PIK3CG: variants seen among roughly 807,000 people sequenced by gnomAD.
PIK3CG encodes phosphatidylinositol-4,5-bisphosphate 3-kinase catalytic subunit gamma.
A neutral mutation model predicts 102.3 loss-of-function variants in PIK3CG; 55 were observed. The ratio of observed to expected loss-of-function variants is 0.54; its 90% CI spans 0.43 to 0.67. PIK3CG has a LOEUF of 0.67. PIK3CG is among the 30% of genes least tolerant of loss of function. PIK3CG has a pLI of 0.00. For synonymous variants in PIK3CG, 552 were observed against 540.0 expected (o/e 1.02, Z -0.31); for missense variants, 1,258 against 1,391.8 (o/e 0.90, Z 1.53).
chr7:106,874,122 G>A lies in PIK3CG; in HGVS notation c.2288-578G>A, dbSNP rs1318919899. On this transcript the variant is annotated intron_variant, in intron 4 of 10. Transcript: ENST00000496166. This position sits in a 1 kb window ranked among gnomAD's most constrained non-coding sequence, Gnocchi z 4.3. ...TGATGGTAATAATAATATTTTATTT[G>A]CATTTTAAGAAAGGAAAACATTTGT... Among the ~76,000 whole-genome samples, 1 of 151,894 alleles carries A rather than the reference G, an allele frequency of 6.6e-6. No individual in the cohort carries two copies. Among genetic ancestry groups the A allele is most frequent in the Non-Finnish European group, 1.5e-5 (1 of 67,972 alleles).
Position 106,908,079 on chromosome 7 carries a change from T to A in PIK3CG, c.*2692T>A, listed in dbSNP as rs1474599399. 2.0e-5 allele frequency among the ~76,000 whole-genome samples: 3 copies of A among 152,068 alleles called. No homozygotes were observed. The highest frequency in any genetic ancestry group is 2.0e-4 in the Admixed American group (3 of 15,250). ...CTTCAATGCCAGGTGAAAACACAGA[T>A]CACAAGTCAGATGAATCAGGCCAAA... On this transcript the variant is annotated 3_prime_UTR_variant, in exon 11 of 11. Transcript: ENST00000496166. This position sits in a 1 kb window ranked among gnomAD's most constrained non-coding sequence, Gnocchi z 4.1.
chr7:106,870,441 G>T (rs1790494265), intron 2 of PIK3CG, among the ~76,000 whole-genome samples: 2 of 152,178 alleles, frequency 1.3e-5, no homozygotes, highest in Admixed American at 6.5e-5. Context: ...GAATAGAAAT[G>T]CTATTTTAGA....
intron 7 of PIK3CG, 79 bp from the exon 8 acceptor site, chr7:106,882,954 C>T (rs2116542446): frequency 1.9e-6 from 2 of 1,030,408 alleles, no homozygotes; most frequent in South Asian, 1.5e-5. Flanking sequence ...GCCCTTCACT[C>T]AACAAAGACA....
Position 106,869,455 on chromosome 7 carries a change from G to A in PIK3CG, c.1894G>A (p.Asp632Asn), listed in dbSNP as rs769595228. Residue 632 changes from aspartate (D) to asparagine (N), a missense_variant, in exon 2 of 11, where the codon GAC becomes AAC. Coordinates refer to ENST00000496166, the MANE Select transcript of PIK3CG (RefSeq NM_001282426.2). This position sits in a 1 kb window ranked among gnomAD's most constrained non-coding sequence, Gnocchi z 5.3. ...TGTTGGGTTAACAATGCAGCTCCTG[G>A]ACTGCAACTTCTCAGATGAAAATGT... is the stretch of plus-strand genomic sequence containing the variant. ...LDVGLTMQLL[D>N]CNFSDENVRA... The A allele has an allele frequency of 6.2e-7, 1 of 1,614,124 alleles. No individual in the cohort carries two copies. Among genetic ancestry groups the A allele is most frequent in the South Asian group, 1.1e-5 (1 of 91,072 alleles).
At position 106,899,621 on chromosome 7, in the gene PIK3CG, C is replaced by T. The variant is rs969565038; in HGVS notation, c.3031-5488C>T. On this transcript the variant is annotated intron_variant, in intron 10 of 10. Coordinates refer to ENST00000496166, the MANE Select transcript of PIK3CG (RefSeq NM_001282426.2). This position sits in a 1 kb window ranked among gnomAD's most constrained non-coding sequence, Gnocchi z 4.6. ...GCTTTTCTGTGTCTATGGAGATAAT[C>T]ATGTGGTTTTTGTCTTTAGTTCTTT... Among the ~76,000 whole-genome samples the T allele has an allele frequency of 6.6e-6, 1 of 152,116 alleles. No individual in the cohort carries two copies. The highest frequency in any genetic ancestry group is 2.4e-5 in the African/African-American group (1 of 41,414).
chr7:106,872,646 C>A lies in PIK3CG; in HGVS notation c.2061+44C>A, dbSNP rs199681461. On this transcript the variant is annotated intron_variant, in intron 3 of 10. Coordinates refer to ENST00000496166, the MANE Select transcript of PIK3CG (RefSeq NM_001282426.2). This position sits in a 1 kb window ranked among gnomAD's most constrained non-coding sequence, Gnocchi z 5.3. ...ATAATAGCGTGAAATTTTAAGTTGC[C>A]AAGAATTAACTGGTAGACCTAAAGC... 1.3e-5 allele frequency: 20 copies of A among 1,596,812 alleles called. No individual in the cohort carries two copies. The East Asian group carries it at 4.5e-4, about 36-fold the overall frequency.
rs1790893741 is a variant in PIK3CG, at chr7:106,880,302, C to A, written c.2538+637C>A. On this transcript the variant is annotated intron_variant, in intron 6 of 10. Transcript: ENST00000496166. This position sits in a 1 kb window ranked among gnomAD's most constrained non-coding sequence, Gnocchi z 4.2. ...GTCAGTGTTGTAGAGGTAATAATTT[C>A]TAATACTTAATATGGTTTATTTGAA... Among the ~76,000 whole-genome samples the A allele has an allele frequency of 1.3e-5, 2 of 152,192 alleles. No homozygotes were observed. Among genetic ancestry groups the A allele is most frequent in the African/African-American group, 4.8e-5 (2 of 41,434 alleles).
chr7:106,884,307 A>C lies in PIK3CG; in HGVS notation c.2872+41A>C, dbSNP rs1404668199. Reference sequence around the variant, plus strand: ...GCAGAATAAACTTTTATTGTGGTAAAATATATATAACATAACATTTACTAT... The same window carrying C: ...GCAGAATAAACTTTTATTGTGGTAACATATATATAACATAACATTTACTAT... On this transcript the variant is annotated intron_variant, in intron 9 of 10. Transcript: ENST00000496166. This position sits in a 1 kb window ranked among gnomAD's most constrained non-coding sequence, Gnocchi z 4.2. 8.1e-7 allele frequency: 1 copy of C among 1,231,386 alleles called. No individual in the cohort carries two copies. Among genetic ancestry groups the C allele is most frequent in the African/African-American group, 1.5e-5 (1 of 67,294 alleles). The allele number at this position is 1,231,386 out of a possible 1,614,324, so 76.3% of individuals were successfully genotyped here. A position where few individuals can be genotyped will look rare whatever the true frequency, so the allele number is the denominator to read the frequency against.
rs200423506 is a variant in PIK3CG, at chr7:106,867,929, G to T, written c.368G>T (p.Arg123Leu). ...YQVVQTLDCL[R>L]YWKATHRSPG... The stretch of plus-strand genomic sequence containing the variant: ...GTGGTGCAGACTCTGGACTGCCTGC[G>T]CTACTGGAAGGCCACGCACCGGAGC... Residue 123 changes from arginine to leucine, a missense_variant, in exon 2 of 11, where the codon CGC becomes CTC. Physicochemically the swap from Arg to Leu is moderately radical, Grantham distance 102 (BLOSUM62 -2). This residue lies in a region of PIK3CG where 832 missense variants were observed against 787.5 expected (regional missense o/e 1.06). Transcript: ENST00000496166. The surrounding 1 kb of genome is among the most constrained non-coding windows in gnomAD (Gnocchi z 5.1). The T allele has an allele frequency of 6.2e-7, 1 of 1,613,272 alleles. No individual in the cohort carries two copies. Among genetic ancestry groups the T allele is most frequent in the East Asian group, 2.2e-5 (1 of 44,866 alleles).
chr7:106,872,699 G>T lies in PIK3CG; in HGVS notation c.2062-14G>T, dbSNP rs2116484488. 3.1e-6 allele frequency: 5 copies of T among 1,610,624 alleles called. No homozygotes were observed. The highest frequency in any genetic ancestry group is 4.2e-6 in the Non-Finnish European group (5 of 1,176,792). On this transcript the variant is annotated splice_polypyrimidine_tract_variant and intron_variant, in intron 3 of 10. Coordinates refer to ENST00000496166, the MANE Select transcript of PIK3CG (RefSeq NM_001282426.2). The surrounding 1 kb of genome is among the most constrained non-coding windows in gnomAD (Gnocchi z 5.3). The stretch of plus-strand genomic sequence containing the variant: ...TAGTCATAATAATTTCAACTTTCTT[G>T]TACCTGCCCTCAGAACAAAAGAATT...
intron 6 of PIK3CG, among the ~76,000 whole-genome samples, chr7:106,881,688 A>T (rs1317991359): frequency 6.6e-6 from 1 of 152,092 alleles, no homozygotes; most frequent in Non-Finnish European, 1.5e-5. Context: ...CTCTACTAAA[A>T]ATACAAAAAA....
At chr7:106,870,465 T>G (rs1348879675) in intron 2 of PIK3CG, among the ~76,000 whole-genome samples, 1 of 152,216 alleles carries the variant, frequency 6.6e-6, no homozygotes, top group Non-Finnish European at 1.5e-5. Context: ...CAGCCTTCAT[T>G]CATTAATTCA....
intron 10 of PIK3CG, among the ~76,000 whole-genome samples, chr7:106,901,857 G>T (rs1243182418): frequency 1.3e-5 from 2 of 152,144 alleles, no homozygotes; most frequent in African/African-American, 4.8e-5. Context: ...AAGCTTTGGG[G>T]TATGATCCAG....
rs1562957951 is a variant in PIK3CG, at chr7:106,874,773, T to C, written c.2361T>C (p.Tyr787=). The C allele has an allele frequency of 6.2e-7, 1 of 1,613,912 alleles. No homozygotes were observed. Among genetic ancestry groups the C allele is most frequent in the Non-Finnish European group, 8.5e-7 (1 of 1,179,768 alleles). ...TCCCCGAAAGCTTTAGAGTTCCATA[T>C]GATCCTGGACTGAAAGCAGGAGCGC... is the stretch of plus-strand genomic sequence containing the variant. ...SQLPESFRVP[Y]DPGLKAGALA... is the part of the protein sequence containing the mutation. Residue 787 remains tyrosine, a synonymous_variant, in exon 5 of 11, where the codon TAT becomes TAC. Transcript: ENST00000496166. This position sits in a 1 kb window ranked among gnomAD's most constrained non-coding sequence, Gnocchi z 4.3.
intron 2 of PIK3CG, among the ~76,000 whole-genome samples, chr7:106,871,879 C>T (rs1190195887): frequency 6.6e-6 from 1 of 152,164 alleles, no homozygotes; most frequent in African/African-American, 2.4e-5. Context: ...AAATGAAGAT[C>T]AAATTATACT....
At position 106,867,808 on chromosome 7, in the gene PIK3CG, G is replaced by A. The variant is rs1196484764; in HGVS notation, c.247G>A (p.Val83Met). ...GTGGCTGCGAGCGCTGGAGACCAGC[G>A]TGGCGGCGGACTTCTACCACCGGCT... is the stretch of plus-strand genomic sequence containing the variant. ...QVWLRALETSVAADFYHRLGP... is the reference protein window; with the variant it reads ...QVWLRALETSMAADFYHRLGP... The change falls in exon 2 of 11, where the codon GTG (valine) becomes ATG (methionine). Residue 83 changes from valine to methionine, a missense_variant. Val to Met is a conservative substitution (Grantham distance 21). Coordinates refer to ENST00000496166, the MANE Select transcript of PIK3CG (RefSeq NM_001282426.2). The surrounding 1 kb of genome is among the most constrained non-coding windows in gnomAD (Gnocchi z 5.1). The A allele has an allele frequency of 1.2e-6, 2 of 1,612,454 alleles. No homozygotes were observed. Among genetic ancestry groups the A allele is most frequent in the East Asian group, 4.5e-5 (2 of 44,858 alleles).
rs1791360166 is a variant in PIK3CG at position 106,894,671 on chromosome 7, T to C, written c.3030+8379T>C. ...TGACTGGAATGATTTTTATCCATTG[T>C]CTCCTTCCTCTAGCAGACAGAGGCA... On this transcript the variant is annotated intron_variant, in intron 10 of 10. Coordinates refer to ENST00000496166, the MANE Select transcript of PIK3CG (RefSeq NM_001282426.2). The surrounding 1 kb of genome is among the most constrained non-coding windows in gnomAD (Gnocchi z 4.4). Among the ~76,000 whole-genome samples, 1 of 152,202 alleles carries C rather than the reference T, an allele frequency of 6.6e-6. No individual in the cohort carries two copies. Among genetic ancestry groups the C allele is most frequent in the African/African-American group, 2.4e-5 (1 of 41,436 alleles).
At position 106,879,564 on chromosome 7, in the gene PIK3CG, C is replaced by G; in HGVS notation, c.2437C>G (p.Leu813Val). ...GGCCTCCAAGAAAAAACCACTATGG[C>G]TTGAGTTTAAATGTGCCGATCCTAC... is the stretch of plus-strand genomic sequence containing the variant. Reference protein sequence around the residue: ...VMASKKKPLWLEFKCADPTAL... With the variant: ...VMASKKKPLWVEFKCADPTAL... The change falls in exon 6 of 11, where the codon CTT becomes GTT. Residue 813 changes from leucine (L) to valine (V), a missense_variant. Physicochemically the swap from Leu to Val is conservative, Grantham distance 32. This residue lies in a region of PIK3CG where 426 missense variants were observed against 604.2 expected (regional missense o/e 0.71). Transcript: ENST00000496166. The surrounding 1 kb of genome is among the most constrained non-coding windows in gnomAD (Gnocchi z 4.9). 1 of 1,613,502 alleles carries G rather than the reference C, an allele frequency of 6.2e-7. No homozygotes were observed. The highest frequency in any genetic ancestry group is 8.5e-7 in the Non-Finnish European group (1 of 1,179,504).
At chr7:106,885,080 A>G (rs1040284131) in intron 9 of PIK3CG, among the ~76,000 whole-genome samples, 5 of 152,140 alleles carry the variant, frequency 3.3e-5, no homozygotes, top group Non-Finnish European at 7.4e-5. Context: ...GAAGTTGCTC[A>G]CTTGCCCATC....
Sources: allele counts gnomAD v4.1 joint callset (sites outside exome capture counted in the v4.1 genomes callset), GRCh38; gene constraint gnomAD v4.1.1; regional missense constraint gnomAD v4.1.1; non-coding constraint Gnocchi (gnomAD v3.1); transcripts MANE v1.5; gene names NCBI Gene and HGNC (gene_info 2026-07-23, HGNC 2026-07-21).